NPRL3: variants seen among roughly 807,000 people sequenced by gnomAD.
The protein encoded by NPRL3 is GATOR1 complex protein NPRL3.
A neutral mutation model predicts 57.2 loss-of-function variants in NPRL3; 23 were observed. The observed-to-expected ratio is 0.40, with a 90% confidence interval of 0.29 to 0.57. The LOEUF (loss-of-function observed/expected upper bound fraction) is 0.57, where lower values mean the gene tolerates loss of function less well. Among genes scored for constraint, NPRL3 ranks in the 20% least tolerant of loss-of-function variants. The probability of loss-of-function intolerance (pLI) is 0.42; values close to 1 mark genes in which losing one functional copy is unlikely to be tolerated. For missense variants in NPRL3, 691 were observed against 767.1 expected (o/e 0.90, Z 1.17); for synonymous variants, 333 against 321.1 (o/e 1.04, Z -0.39).
At chr16:102,687 G>A (rs549178557) in intron 7 of NPRL3, among the ~76,000 whole-genome samples, 2 of 152,274 alleles carry the variant, frequency 1.3e-5, no homozygotes, top group East Asian at 1.9e-4. Flanking sequence ...GGCTAAGTCC[G>A]GGAGACTTGG....
chr16:127,862 G>A (rs945276905), intron 3 of NPRL3, among the ~76,000 whole-genome samples: 13 of 151,202 alleles, frequency 8.6e-5, no homozygotes, highest in African/African-American at 3.2e-4. Context: ...CACCGTGTTA[G>A]CCAGGATGAG....
chr16:118,799 G>A (rs186534829), intron 4 of NPRL3, among the ~76,000 whole-genome samples: 3 of 152,358 alleles, frequency 2.0e-5, no homozygotes, highest in East Asian at 1.9e-4. Flanking sequence ...GGCCCAGGGA[G>A]AGCCACATCT....
At chr16:99,150 A>G (rs1267409973) in intron 8 of NPRL3, among the ~76,000 whole-genome samples, 2 of 152,212 alleles carry the variant, frequency 1.3e-5, no homozygotes, top group Non-Finnish European at 2.9e-5. Flanking sequence ...ACCAAAGTAC[A>G]TTAAAATATG....
intron 8 of NPRL3, among the ~76,000 whole-genome samples, chr16:98,871 G>C (rs113701043): frequency 0.016 from 2,393 of 152,310 alleles, 56 homozygotes; most frequent in African/African-American, 0.054. Flanking sequence ...CTGGGAGGCG[G>C]AGCTTGCAGT....
rs556232826 is a variant in NPRL3, at chr16:100,498, G to A, written c.641C>T (p.Ser214Leu). Reference sequence around the variant, plus strand: ...GTTGATGTGAAGCCGAACTACGCCCGACGTGCACAGGCTGCAGAGAGTGGG... The same window carrying A: ...GTTGATGTGAAGCCGAACTACGCCCAACGTGCACAGGCTGCAGAGAGTGGG... ...LKEAYDSLCT[S>L]GVVRLHINSW... The change falls in exon 8 of 14, where the codon TCG (serine) becomes TTG (leucine). Residue 214 changes from serine to leucine, a missense_variant. Ser to Leu is a moderately radical substitution (Grantham distance 145). Coordinates refer to ENST00000611875, the MANE Select transcript of NPRL3 (RefSeq NM_001077350.3). 45 of 1,581,206 alleles carry A rather than the reference G, an allele frequency of 2.8e-5. No homozygotes were observed. In the Middle Eastern group the frequency reaches 5.1e-4, roughly 18 times the overall value.
chr16:137,636 G>A (rs868838967), intron 2 of NPRL3, among the ~76,000 whole-genome samples: 1 of 151,022 alleles, frequency 6.6e-6, no homozygotes, highest in Non-Finnish European at 1.5e-5. Flanking sequence ...TGAAACCTCC[G>A]CCTCCCGGGT....
intron 7 of NPRL3, among the ~76,000 whole-genome samples, chr16:109,467 C>T (rs1335164774): frequency 6.6e-6 from 1 of 152,196 alleles, no homozygotes; most frequent in African/African-American, 2.4e-5. Flanking sequence ...GTCAGTGACA[C>T]CCACCTAGTG....
chr16:136,390 A>G (rs1901079234), intron 2 of NPRL3, among the ~76,000 whole-genome samples: 1 of 152,054 alleles, frequency 6.6e-6, no homozygotes, highest in Non-Finnish European at 1.5e-5. Flanking sequence ...TTGTGCTTAG[A>G]AAAAAAACAC....
At chr16:98,881 T>C (rs1383676929) in intron 8 of NPRL3, among the ~76,000 whole-genome samples, 5 of 152,100 alleles carry the variant, frequency 3.3e-5, no homozygotes, top group African/African-American at 9.7e-5. Flanking sequence ...GAGCTTGCAG[T>C]GAGCCGAGAT....
intron 13 of NPRL3, among the ~76,000 whole-genome samples, chr16:87,634 TCTC>T (rs200149651): frequency 0.058 from 8,760 of 150,854 alleles, 835 homozygotes; most frequent in African/African-American, 0.2. Flanking sequence ...TTCCCGCCAT[TCTC>T]CTCCTCCCGC....
At chr16:90,332 C>T (rs1567129952) in intron 11 of NPRL3, 1 of 186,720 alleles carries the variant, frequency 5.4e-6, no homozygotes. Context: ...CAAGCCCAGA[C>T]ACTGTTTAAA....
Position 85,609 on chromosome 16 carries a change from G to A in NPRL3, c.*1096C>T, listed in dbSNP as rs202204500. Reference sequence around the variant, plus strand: ...ACCTGGCACAGGATGAAGCTGTATGGCTGGAGCGTGGTCCCCTGGAGCCCA... The same window carrying A: ...ACCTGGCACAGGATGAAGCTGTATGACTGGAGCGTGGTCCCCTGGAGCCCA... On this transcript the variant is annotated 3_prime_UTR_variant, in exon 14 of 14. Coordinates refer to ENST00000611875, the MANE Select transcript of NPRL3 (RefSeq NM_001077350.3). 1.9e-6 allele frequency: 3 copies of A among 1,607,806 alleles called. No individual in the cohort carries two copies. The Admixed American group carries it at 5.0e-5, about 27-fold the overall frequency.
In NPRL3 at chr16:98,208, C is replaced by T. The variant is rs767611082; in HGVS notation, c.861G>A (p.Lys287=). 19 of 1,613,870 alleles carry T rather than the reference C, an allele frequency of 1.2e-5. No individual in the cohort carries two copies. The East Asian group carries it at 2.4e-4, about 21-fold the overall frequency. ...GCAGGTTCTTCACAGCAGATGTGGTCTTGATCACCCGCACTAGGGCAGGGG... is the reference window on the plus strand; with the variant it reads ...GCAGGTTCTTCACAGCAGATGTGGTTTTGATCACCCGCACTAGGGCAGGGG... ...DCSPALVRVI[K]TTSAVKNLQQ... The change falls in exon 9 of 14, where the codon AAG becomes AAA. Residue 287 remains lysine (K), a synonymous_variant. Coordinates refer to ENST00000611875, the MANE Select transcript of NPRL3 (RefSeq NM_001077350.3).
Position 85,621 on chromosome 16 carries a change from T to G in NPRL3, c.*1084A>C, listed in dbSNP as rs1898422926. On this transcript the variant is annotated 3_prime_UTR_variant, in exon 14 of 14. Coordinates refer to ENST00000611875, the MANE Select transcript of NPRL3 (RefSeq NM_001077350.3). ...ATGAAGCTGTATGGCTGGAGCGTGGTCCCCTGGAGCCCAGTGAGCCGGCTG... is the reference window on the plus strand; with the variant it reads ...ATGAAGCTGTATGGCTGGAGCGTGGGCCCCTGGAGCCCAGTGAGCCGGCTG... 2 of 1,601,372 alleles carry G rather than the reference T, an allele frequency of 1.2e-6. No individual in the cohort carries two copies. The highest frequency in any genetic ancestry group is 1.7e-6 in the Non-Finnish European group (2 of 1,170,808).
At chr16:92,506 G>C in intron 11 of NPRL3, 90 bp downstream of exon 11, 2 of 1,468,134 alleles carry the variant, frequency 1.4e-6, no homozygotes, top group East Asian at 2.5e-5. Context: ...GCAGTGCTGA[G>C]GGCTCTCAGA....
At chr16:121,698 T>C (rs547774904) in intron 3 of NPRL3, among the ~76,000 whole-genome samples, 7 of 152,180 alleles carry the variant, frequency 4.6e-5, no homozygotes, top group South Asian at 4.1e-4. Context: ...TAGTTAGCCA[T>C]TGTTTATCTG....
Position 93,015 on chromosome 16 carries a change from A to G in NPRL3, c.1031+204T>C. The G allele has an allele frequency of 4.9e-6, 3 of 618,428 alleles. No individual in the cohort carries two copies. In the East Asian group the frequency reaches 8.2e-5, roughly 17 times the overall value. The allele number at this position is 618,428 out of a possible 1,614,324, so 38.3% of individuals were successfully genotyped here. On this transcript the variant is annotated intron_variant, in intron 10 of 13. Coordinates refer to ENST00000611875, the MANE Select transcript of NPRL3 (RefSeq NM_001077350.3). Reference sequence around the variant, plus strand: ...AGGGGGCCAGGCATATGGGGGACACAGGAGAGCCACAGAGCACAGAGCCAG... The same window carrying G: ...AGGGGGCCAGGCATATGGGGGACACGGGAGAGCCACAGAGCACAGAGCCAG...
At chr16:104,522 G>A (rs957578921) in intron 7 of NPRL3, among the ~76,000 whole-genome samples, 6 of 152,256 alleles carry the variant, frequency 3.9e-5, no homozygotes, top group African/African-American at 7.2e-5. Context: ...TGCCCTCACC[G>A]TGTCAGCTGT....
chr16:111,900 G>A (rs796236859), intron 6 of NPRL3, among the ~76,000 whole-genome samples: 1 of 152,132 alleles, frequency 6.6e-6, no homozygotes, highest in Non-Finnish European at 1.5e-5. Context: ...TGTTATAGAG[G>A]TGCTGGCCAA....
Sources: allele counts gnomAD v4.1 joint callset (sites outside exome capture counted in the v4.1 genomes callset), GRCh38; gene constraint gnomAD v4.1.1; transcripts MANE v1.5; gene names NCBI Gene and HGNC (gene_info 2026-07-23, HGNC 2026-07-21).